Variants in DSE observed in about 807,000 individuals in gnomAD.
The protein encoded by DSE is dermatan-sulfate epimerase.
In DSE, 36 loss-of-function variants were observed where a neutral mutation model predicts 84.4. That is an observed-to-expected ratio of 0.43 (90% CI 0.33 to 0.56). DSE has a LOEUF of 0.56. DSE is among the 20% of genes least tolerant of loss of function. The pLI is 0.06. For missense variants in DSE, 862 were observed against 1,169.6 expected (o/e 0.74, Z 3.84); for synonymous variants, 410 against 430.1 (o/e 0.95, Z 0.58).
In DSE at chr6:116,436,542, C is replaced by G. The variant is rs1406461457; in HGVS notation, c.2074C>G (p.His692Asp). The G allele has an allele frequency of 6.2e-7, 1 of 1,614,176 alleles. No individual in the cohort carries two copies. The highest frequency in any genetic ancestry group is 2.2e-5 in the East Asian group (1 of 44,884). The change falls in exon 6 of 6, where the codon CAT (histidine) becomes GAT (aspartate). Residue 692 changes from histidine (H) to aspartate (D), a missense_variant. Transcript: ENST00000644252. ...QLDVFIATSK[H>D]AYATYLWTGE... Reference sequence around the variant, plus strand: ...GGATGTGTTCATAGCCACCAGCAAACATGCCTACGCCACATACCTGTGGAC... The same window carrying G: ...GGATGTGTTCATAGCCACCAGCAAAGATGCCTACGCCACATACCTGTGGAC...
At chr6:116,266,063 C>A (rs1772612377) in intron 2 of DSE, among the ~76,000 whole-genome samples, 1 of 152,180 alleles carries the variant, frequency 6.6e-6, no homozygotes, top group Non-Finnish European at 1.5e-5. Flanking sequence ...CCAGTGGAAG[C>A]CAGGAATGAG....
chr6:116,324,811 T>C (rs934093510), intron 2 of DSE, among the ~76,000 whole-genome samples: 4 of 152,176 alleles, frequency 2.6e-5, no homozygotes, highest in Non-Finnish European at 5.9e-5. Flanking sequence ...ATGAGTAGAA[T>C]ATTATAGGGG....
chr6:116,304,308 A>C (rs1775218131), intron 2 of DSE, among the ~76,000 whole-genome samples: 1 of 152,152 alleles, frequency 6.6e-6, no homozygotes, highest in Non-Finnish European at 1.5e-5. Flanking sequence ...TATTTAGCCC[A>C]CTTTTCAAAT....
chr6:116,294,878 A>C (rs73767724), intron 2 of DSE, among the ~76,000 whole-genome samples: 6,071 of 152,232 alleles, frequency 0.04, 184 homozygotes, highest in African/African-American at 0.08. Context: ...TATATGCAGA[A>C]CACCCCATCT....
At chr6:116,315,698 T>C (rs1350201757) in intron 2 of DSE, among the ~76,000 whole-genome samples, 1 of 152,182 alleles carries the variant, frequency 6.6e-6, no homozygotes, top group South Asian at 2.1e-4. Flanking sequence ...TCGTATGTGA[T>C]GTTTTAAAAG....
rs376074238 is a variant in DSE at position 116,371,202 on chromosome 6, G to C, written c.-54+81G>C. On this transcript the variant is annotated intron_variant, in intron 1 of 5. Coordinates refer to ENST00000644252, the MANE Select transcript of DSE (RefSeq NM_013352.4). ...GGAGTTTCGGGCGGGTAGCCTTCGG[G>C]GCTGTCCCGGCGCGGGCGGGAGACG... 1.5e-4 allele frequency: 146 copies of C among 985,376 alleles called. 2 individuals are homozygous for C. In the East Asian group the frequency reaches 0.014, roughly 95 times the overall value. The allele number at this position is 985,376 out of a possible 1,614,324, so 61.0% of individuals were successfully genotyped here. A position where few individuals can be genotyped will look rare whatever the true frequency, so the allele number is the denominator to read the frequency against.
exon 2 of DSE, chr6:116,258,679 CG>C (rs752944084): frequency 8.7e-6 from 14 of 1,608,698 alleles, no homozygotes; most frequent in Middle Eastern, 1.7e-4. Context: ...CTGATTCACA[CG>C]GCGAAGTGGG....
intron 2 of DSE, among the ~76,000 whole-genome samples, chr6:116,261,664 C>T (rs1772419783): frequency 6.6e-6 from 1 of 152,174 alleles, no homozygotes; most frequent in African/African-American, 2.4e-5. Flanking sequence ...AGCAGGCATC[C>T]TTGTGTTGTG....
chr6:116,344,556 A>G (rs1777829615), intron 2 of DSE, among the ~76,000 whole-genome samples: 1 of 61,868 alleles, frequency 1.6e-5, no homozygotes, highest in Admixed American at 1.6e-4. Flanking sequence ...TGAAGGAGAA[A>G]TAAAATCCTT....
At chr6:116,333,193 T>TTGTCCTATTTTG (rs897752322) in intron 2 of DSE, among the ~76,000 whole-genome samples, 4 of 152,240 alleles carry the variant, frequency 2.6e-5, no homozygotes, top group Non-Finnish European at 5.9e-5. Flanking sequence ...ATTTTTTGTC[T>TTGTCCTATTTTG]TGTCTTAGTC....
At chr6:116,275,356 G>A (rs1159065592) in intron 2 of DSE, among the ~76,000 whole-genome samples, 1 of 152,196 alleles carries the variant, frequency 6.6e-6, no homozygotes, top group East Asian at 1.9e-4. Flanking sequence ...TGACTAAAAG[G>A]GGAAATAGTT....
intron 2 of DSE, among the ~76,000 whole-genome samples, chr6:116,267,560 T>C (rs1772684102): frequency 1.3e-5 from 2 of 152,126 alleles, no homozygotes; most frequent in East Asian, 1.9e-4. Context: ...TCAAAAAGTT[T>C]TAAAAAGTTA....
At chr6:116,300,287 GT>G (rs1774953286) in intron 2 of DSE, among the ~76,000 whole-genome samples, 1 of 152,086 alleles carries the variant, frequency 6.6e-6, no homozygotes, top group Non-Finnish European at 1.5e-5. Context: ...TTAGGTGATT[GT>G]TACTATTTCT....
chr6:116,343,717 G>A (rs2501047), intron 2 of DSE, among the ~76,000 whole-genome samples: 3,408 of 152,268 alleles, frequency 0.022, 139 homozygotes, highest in African/African-American at 0.078. Flanking sequence ...AAAAATCAGA[G>A]TGCCTCTTCT....
chr6:116,256,110 T>C (rs1162201709), intron 1 of DSE: 3 of 152,266 alleles, frequency 2.0e-5, no homozygotes, highest in Non-Finnish European at 4.4e-5. Flanking sequence ...TGGTCACATA[T>C]GTATTAATTG....
chr6:116,406,040 A>G (rs1406490832), intron 2 of DSE, among the ~76,000 whole-genome samples: 1 of 152,260 alleles, frequency 6.6e-6, no homozygotes, highest in Non-Finnish European at 1.5e-5. Context: ...TATGACAGTT[A>G]TAAATCATAC....
intron 1 of DSE, among the ~76,000 whole-genome samples, chr6:116,395,308 C>T (rs1193188700): frequency 2.0e-5 from 3 of 152,106 alleles, no homozygotes; most frequent in East Asian, 1.9e-4. Flanking sequence ...GCCTGTAGTC[C>T]CAGCTACTGG....
rs534584860 is a variant in DSE, at chr6:116,441,155, A to G, written c.*3810A>G. 1.3e-4 allele frequency: 20 copies of G among 152,336 alleles called. No individual in the cohort carries two copies. Among genetic ancestry groups the G allele is most frequent in the Admixed American group, 9.2e-4 (14 of 15,296 alleles). 9.4% of individuals were successfully genotyped at this position (152,336 alleles called of 1,614,324 possible). On this transcript the variant is annotated 3_prime_UTR_variant, in exon 6 of 6. Coordinates refer to ENST00000644252, the MANE Select transcript of DSE (RefSeq NM_013352.4). ...ATGACTGATATAAATCATGTGTTCC[A>G]CTACATAGTCTAAATATTTAGTATT...
At chr6:116,335,270 A>G (rs1777172598) in intron 2 of DSE, among the ~76,000 whole-genome samples, 1 of 152,216 alleles carries the variant, frequency 6.6e-6, no homozygotes, top group African/African-American at 2.4e-5. Context: ...AAACTAACAC[A>G]GAAAGAGAAA....
Sources: gnomAD v4.1 joint callset for allele counts (sites outside exome capture counted in the v4.1 genomes callset) on GRCh38, gnomAD v4.1.1 for gene constraint, MANE v1.5 for transcripts, NCBI Gene and HGNC (gene_info 2026-07-23, HGNC 2026-07-21) for gene names.